The following UBTD1 variants were observed in gnomAD, a reference collection of about 807,000 sequenced individuals.
The protein encoded by UBTD1 is ubiquitin domain-containing protein 1.
In UBTD1, 19 loss-of-function variants were observed where a neutral mutation model predicts 21.7. The observed-to-expected ratio is 0.87, with a 90% confidence interval of 0.61 to 1.28. The LOEUF (loss-of-function observed/expected upper bound fraction) is 1.28, where lower values mean the gene tolerates loss of function less well. Among genes scored for constraint, UBTD1 ranks in the 50% most tolerant of loss-of-function variants. The pLI, the probability that UBTD1 is intolerant of heterozygous loss-of-function variation, is 0.00. For missense variants in UBTD1, 282 were observed against 315.1 expected (o/e 0.89, Z 0.80); for synonymous variants, 116 against 135.1 (o/e 0.86, Z 0.98).
At chr10:97,505,186 CAT>C (rs1361986862) in intron 1 of UBTD1, among the ~76,000 whole-genome samples, 1 of 152,168 alleles carries the variant, frequency 6.6e-6, no homozygotes, top group African/African-American at 2.4e-5. Context: ...TTTTTAGAAT[CAT>C]AGAATTTTAG....
At chr10:97,526,209 C>T (rs1230476996) in intron 1 of UBTD1, among the ~76,000 whole-genome samples, 1 of 152,200 alleles carries the variant, frequency 6.6e-6, no homozygotes, top group African/African-American at 2.4e-5. Context: ...CTCTTGTGCA[C>T]TGCTGGTGGA....
chr10:97,510,572 C>A (rs1391367314), intron 1 of UBTD1, among the ~76,000 whole-genome samples: 1 of 152,156 alleles, frequency 6.6e-6, no homozygotes, highest in Non-Finnish European at 1.5e-5. Context: ...ATTACCTACT[C>A]AGTAAGCATT....
chr10:97,548,670 G>A (rs1310580199), intron 1 of UBTD1, among the ~76,000 whole-genome samples: 1 of 152,202 alleles, frequency 6.6e-6, no homozygotes, highest in Non-Finnish European at 1.5e-5. Flanking sequence ...CCAGCTACTT[G>A]GGAGGCTGGG....
intron 1 of UBTD1, among the ~76,000 whole-genome samples, chr10:97,517,810 C>A (rs898105753): frequency 3.9e-5 from 6 of 152,118 alleles, no homozygotes; most frequent in Non-Finnish European, 8.8e-5. Context: ...CTAGGAATGA[C>A]CAACTGCATA....
intron 1 of UBTD1, among the ~76,000 whole-genome samples, chr10:97,511,433 G>T (rs1456419457): frequency 1.3e-5 from 2 of 152,138 alleles, no homozygotes; most frequent in African/African-American, 4.8e-5. Flanking sequence ...AGGACTCCCT[G>T]GGCCCTAAAC....
chr10:97,529,677 T>C (rs567950463), intron 1 of UBTD1, among the ~76,000 whole-genome samples: 2,786 of 151,934 alleles, frequency 0.018, 97 homozygotes, highest in African/African-American at 0.064. Flanking sequence ...GAGGTTGCAG[T>C]GAGCCGAGAT....
intron 2 of UBTD1, 119 bp downstream of exon 2, chr10:97,568,260 C>A (rs2040727953): frequency 6.0e-6 from 6 of 1,006,566 alleles, no homozygotes; most frequent in Non-Finnish European, 8.9e-6. Context: ...TTCATTCATT[C>A]AAGCACCCCT....
intron 1 of UBTD1, among the ~76,000 whole-genome samples, chr10:97,518,358 CG>C (rs1444137400): frequency 3.3e-5 from 5 of 152,292 alleles, no homozygotes; most frequent in African/African-American, 1.2e-4. Flanking sequence ...TGCCCCTCCC[CG>C]AGGACAAGGC....
intron 1 of UBTD1, among the ~76,000 whole-genome samples, chr10:97,550,923 C>T (rs1414070913): frequency 2.0e-5 from 3 of 152,204 alleles, no homozygotes; most frequent in Non-Finnish European, 4.4e-5. Flanking sequence ...CCAGCCCAGA[C>T]GTAGTGCCCT....
intron 1 of UBTD1, among the ~76,000 whole-genome samples, chr10:97,529,338 C>T (rs983283339): frequency 3.9e-5 from 6 of 152,206 alleles, no homozygotes; most frequent in South Asian, 2.1e-4. Flanking sequence ...CAGGCAGAGA[C>T]GCTCCTCACT....
intron 1 of UBTD1, among the ~76,000 whole-genome samples, chr10:97,514,096 C>T (rs909961649): frequency 2.0e-5 from 3 of 150,766 alleles, no homozygotes; most frequent in East Asian, 1.9e-4. Context: ...TATATGGGGA[C>T]GCTTAGGTCA....
Position 97,499,216 on chromosome 10 carries a change from G to T in UBTD1, c.13G>T (p.Val5Leu), listed in dbSNP as rs902371804. 1.3e-6 allele frequency: 2 copies of T among 1,547,738 alleles called. No individual in the cohort carries two copies. Among genetic ancestry groups the T allele is most frequent in the Non-Finnish European group, 1.7e-6 (2 of 1,145,696 alleles). Residue 5 changes from valine to leucine, a missense_variant, in exon 1 of 3, where the codon GTG (valine) becomes TTG (leucine). By Grantham distance (32) the Val-to-Leu change is conservative. Coordinates refer to ENST00000370664, the MANE Select transcript of UBTD1 (RefSeq NM_024954.5). MGNCVGRQRRERPAA... is the reference protein window; with the variant it reads MGNCLGRQRRERPAA... The stretch of plus-strand genomic sequence containing the variant: ...CTGAGGAGCCAGCATGGGCAACTGC[G>T]TGGGGAGACAGCGCCGGGAGAGGCC...
intron 1 of UBTD1, among the ~76,000 whole-genome samples, chr10:97,531,235 T>G (rs1262045726): frequency 1.4e-5 from 2 of 142,018 alleles, no homozygotes. Flanking sequence ...TTTTTTGAGA[T>G]GGAGTCTTGC....
At chr10:97,506,126 A>G (rs952868053) in intron 1 of UBTD1, among the ~76,000 whole-genome samples, 1 of 152,150 alleles carries the variant, frequency 6.6e-6, no homozygotes, top group African/African-American at 2.4e-5. Context: ...CTCCCAAAGA[A>G]GAGACCTGGG....
chr10:97,542,580 C>G (rs555435968), intron 1 of UBTD1, among the ~76,000 whole-genome samples: 1 of 152,300 alleles, frequency 6.6e-6, no homozygotes, highest in African/African-American at 2.4e-5. Context: ...AAAGACTGGG[C>G]CCCAGGCTGA....
intron 1 of UBTD1, among the ~76,000 whole-genome samples, chr10:97,507,915 C>T (rs1357413874): frequency 1.3e-5 from 2 of 151,844 alleles, no homozygotes; most frequent in African/African-American, 4.8e-5. Context: ...AGTCTTGGGA[C>T]AAGGAGCAAA....
intron 1 of UBTD1, among the ~76,000 whole-genome samples, chr10:97,566,535 G>C (rs1408046689): frequency 6.6e-6 from 1 of 152,124 alleles, no homozygotes; most frequent in Non-Finnish European, 1.5e-5. Flanking sequence ...ATGTGACCTG[G>C]GGCAAGTCAT....
chr10:97,517,903 G>A (rs2135662172), intron 1 of UBTD1, among the ~76,000 whole-genome samples: 1 of 152,262 alleles, frequency 6.6e-6, no homozygotes, highest in Admixed American at 6.5e-5. Flanking sequence ...CAGGGCTGAG[G>A]CAGGAGGGAG....
rs1433133642 is a variant in UBTD1, at chr10:97,528,343, C to T, written c.70+29070C>T. The stretch of plus-strand genomic sequence containing the variant: ...CTCCCGGACGGGGCGGCTCGCCTGG[C>T]GGGGGGCTGACCCCCCCACCTCCCT... On this transcript the variant is annotated intron_variant, in intron 1 of 2. Coordinates refer to ENST00000370664, the MANE Select transcript of UBTD1 (RefSeq NM_024954.5). 4.5e-3 allele frequency among the ~76,000 whole-genome samples: 579 copies of T among 127,852 alleles called. 1 individual carries two copies. Among genetic ancestry groups the T allele is most frequent in the Middle Eastern group, 0.011 (2 of 190 alleles). 83.9% of individuals were successfully genotyped at this position (127,852 alleles called of 152,430 possible).
Sources: allele counts gnomAD v4.1 joint callset (sites outside exome capture counted in the v4.1 genomes callset), GRCh38; gene constraint gnomAD v4.1.1; transcripts MANE v1.5; gene names NCBI Gene and HGNC (gene_info 2026-07-23, HGNC 2026-07-21).